The following CAPN9 variants were observed in gnomAD, a reference collection of about 807,000 sequenced individuals.
CAPN9 encodes calpain 9, also known as calpain-9.
CAPN9 carries 81 observed loss-of-function variants against 92.8 expected under a neutral mutation model. That is an observed-to-expected ratio of 0.87 (90% CI 0.73 to 1.05). CAPN9 has a LOEUF of 1.05. CAPN9 is among the 50% of genes least tolerant of loss of function. The pLI, the probability that CAPN9 is intolerant of heterozygous loss-of-function variation, is 0.00. For missense variants in CAPN9, 848 were observed against 866.2 expected, an observed-to-expected ratio of 0.98 and a Z score of 0.26; for synonymous variants, 304 against 328.0, an observed-to-expected ratio of 0.93 and a Z score of 0.79.
At chr1:230,764,752 C>T (rs976548310) in intron 4 of CAPN9, among the ~76,000 whole-genome samples, 3 of 152,118 alleles carry the variant, frequency 2.0e-5, no homozygotes, top group Non-Finnish European at 4.4e-5. Flanking sequence ...TGGTGGATGG[C>T]GGGAGCCGAG....
intron 13 of CAPN9, among the ~76,000 whole-genome samples, chr1:230,789,328 C>G (rs116469385): frequency 6.6e-6 from 1 of 152,050 alleles, no homozygotes; most frequent in Non-Finnish European, 1.5e-5. Context: ...AAATAATCAG[C>G]CCAGCATGGT....
chr1:230,792,955 G>T, intron 17 of CAPN9, 27 bp downstream of exon 17: 2 of 1,564,186 alleles, frequency 1.3e-6, no homozygotes, highest in East Asian at 2.2e-5. Context: ...AGTACAGGTG[G>T]CTGACTGCAT....
At chr1:230,756,346 T>C (rs181688498) in intron 2 of CAPN9, among the ~76,000 whole-genome samples, 2 of 151,948 alleles carry the variant, frequency 1.3e-5, no homozygotes, top group African/African-American at 4.8e-5. Context: ...GATAGATAGA[T>C]AGAAACATAG....
Position 230,747,605 on chromosome 1 carries a change from C to T in CAPN9, c.109C>T (p.Leu37=). The T allele has an allele frequency of 6.2e-7, 1 of 1,614,180 alleles. No homozygotes were observed. The highest frequency in any genetic ancestry group is 8.5e-7 in the Non-Finnish European group (1 of 1,180,028). ...QSFEQMRQEC[L]QRGTLFEDAD... ...CTTTGAGCAAATGAGGCAGGAGTGC[C>T]TGCAGAGAGGCACCCTGTTTGAGGA... Residue 37 remains leucine, a synonymous_variant, in exon 1 of 20, where the codon CTG becomes TTG. Transcript: ENST00000271971.
rs1415601289 is a variant in CAPN9, at chr1:230,778,963, T to C, written c.954-10T>C. 1 of 1,612,202 alleles carries C rather than the reference T, an allele frequency of 6.2e-7. No individual in the cohort carries two copies. Among genetic ancestry groups the C allele is most frequent in the Non-Finnish European group, 8.5e-7 (1 of 1,178,934 alleles). ...CCTCCTGTGCATCGTGTCTCTCCGC[T>C]TTGCTGCAGGATGGCATTTAAGGAC... On this transcript the variant is annotated splice_polypyrimidine_tract_variant and intron_variant, in intron 8 of 19. Transcript: ENST00000271971.
At chr1:230,761,743 C>T (rs578219731) in intron 3 of CAPN9, among the ~76,000 whole-genome samples, 1 of 152,204 alleles carries the variant, frequency 6.6e-6, no homozygotes, top group East Asian at 1.9e-4. Context: ...ACCTTAGGAT[C>T]GCTCTCAGGC....
At chr1:230,793,127 C>T (rs1216332891) in intron 17 of CAPN9, among the ~76,000 whole-genome samples, 199 bp downstream of exon 17, 2 of 152,234 alleles carry the variant, frequency 1.3e-5, no homozygotes, top group Non-Finnish European at 2.9e-5. Context: ...CCAGGGCCCT[C>T]ATTTTAAACC....
chr1:230,747,688 C>T lies in CAPN9; in HGVS notation c.192C>T (p.Pro64=). Residue 64 remains proline, a synonymous_variant, in exon 1 of 20, where the codon CCC becomes CCT. Coordinates refer to ENST00000271971, the MANE Select transcript of CAPN9 (RefSeq NM_006615.3). Reference sequence around the variant, plus strand: ...TCTACAGTGAGAGGCCGCAGATCCCCTTTGTGTGGAAACGACCAGGGGTGA... The same window carrying T: ...TCTACAGTGAGAGGCCGCAGATCCCTTTTGTGTGGAAACGACCAGGGGTGA... ...SLFYSERPQI[P]FVWKRPGEIV... 1 of 1,614,158 alleles carries T rather than the reference C, an allele frequency of 6.2e-7. No homozygotes were observed. The highest frequency in any genetic ancestry group is 1.1e-5 in the South Asian group (1 of 91,080).
intron 8 of CAPN9, among the ~76,000 whole-genome samples, chr1:230,775,269 T>C (rs573250469): frequency 6.4e-4 from 97 of 152,240 alleles, no homozygotes; most frequent in African/African-American, 2.2e-3. Context: ...ACACAGTGAA[T>C]TTGAAGACAG....
chr1:230,790,283 T>A (rs1667893407), intron 14 of CAPN9, 94 bp downstream of exon 14: 7 of 1,525,744 alleles, frequency 4.6e-6, no homozygotes, highest in Non-Finnish European at 6.2e-6. Flanking sequence ...GAGCCGCAGA[T>A]CTGCTTCCCA....
At chr1:230,794,749 T>C (rs2102936049) in intron 17 of CAPN9, among the ~76,000 whole-genome samples, 1 of 152,286 alleles carries the variant, frequency 6.6e-6, no homozygotes, top group East Asian at 1.9e-4. Context: ...GGAAGTGACC[T>C]GAGACATAGA....
At position 230,747,706 on chromosome 1, in the gene CAPN9, A is replaced by G; in HGVS notation, c.210A>G (p.Pro70=). 1.2e-6 allele frequency: 2 copies of G among 1,613,834 alleles called. No homozygotes were observed. The highest frequency in any genetic ancestry group is 1.7e-6 in the Non-Finnish European group (2 of 1,179,754). The change falls in exon 1 of 20, where the codon CCA becomes CCG. Residue 70 remains proline, a synonymous_variant. Coordinates refer to ENST00000271971, the MANE Select transcript of CAPN9 (RefSeq NM_006615.3). Reference sequence around the variant, plus strand: ...AGATCCCCTTTGTGTGGAAACGACCAGGGGTGAGTGGGGCGAGCAGGGGAA... The same window carrying G: ...AGATCCCCTTTGTGTGGAAACGACCGGGGGTGAGTGGGGCGAGCAGGGGAA... ...RPQIPFVWKR[P]GEIVKNPEFI...
At chr1:230,781,343 G>T (rs1249603732) in intron 11 of CAPN9, among the ~76,000 whole-genome samples, 1 of 152,144 alleles carries the variant, frequency 6.6e-6, no homozygotes, top group Non-Finnish European at 1.5e-5. Flanking sequence ...TTACCAAGAA[G>T]CTTCTTGGAT....
At chr1:230,765,551 C>T (rs913182805) in intron 4 of CAPN9, among the ~76,000 whole-genome samples, 2 of 151,972 alleles carry the variant, frequency 1.3e-5, no homozygotes, top group Admixed American at 6.6e-5. Flanking sequence ...CCCAACTACT[C>T]GGGAGGCTAA....
At chr1:230,760,652 G>A (rs1016166512) in intron 3 of CAPN9, among the ~76,000 whole-genome samples, 2 of 152,162 alleles carry the variant, frequency 1.3e-5, no homozygotes, top group Non-Finnish European at 2.9e-5. Flanking sequence ...GCCACTTTGG[G>A]TCCCAGGGAA....
chr1:230,792,792 C>A, intron 16 of CAPN9, 58 bp from the exon 17 acceptor site: 1 of 1,426,220 alleles, frequency 7.0e-7, no homozygotes, highest in Non-Finnish European at 9.9e-7. Flanking sequence ...CATTTACTGC[C>A]ATCAGCGATG....
At chr1:230,800,218 AAT>A (rs56675438) in intron 19 of CAPN9, among the ~76,000 whole-genome samples, 3,697 of 127,116 alleles carry the variant, frequency 0.029, 189 homozygotes, top group African/African-American at 0.041. Flanking sequence ...AAGAAAGAAA[AAT>A]AAGAAAGAAA....
chr1:230,750,092 C>G (rs1664669473), intron 1 of CAPN9, among the ~76,000 whole-genome samples: 1 of 152,162 alleles, frequency 6.6e-6, no homozygotes, highest in South Asian at 2.1e-4. Flanking sequence ...GATCTCTGCT[C>G]CAAGGGGCTG....
intron 1 of CAPN9, among the ~76,000 whole-genome samples, chr1:230,748,365 G>C (rs1425111337): frequency 6.6e-6 from 1 of 152,230 alleles, no homozygotes; most frequent in Admixed American, 6.5e-5. Context: ...GGATTAGTCA[G>C]GGCTCTACCT....
Sources: allele counts gnomAD v4.1 joint callset (sites outside exome capture counted in the v4.1 genomes callset), GRCh38; gene constraint gnomAD v4.1.1; transcripts MANE v1.5; gene names NCBI Gene and HGNC (gene_info 2026-07-23, HGNC 2026-07-21).